The following TERF1 variants were observed in gnomAD, a reference collection of about 807,000 sequenced individuals.
TERF1 encodes telomeric repeat-binding factor 1.
A neutral mutation model predicts 55.1 loss-of-function variants in TERF1; 20 were observed. The ratio of observed to expected loss-of-function variants is 0.36; its 90% confidence interval spans 0.26 to 0.53. The LOEUF (loss-of-function observed/expected upper bound fraction) is 0.53, where lower values mean the gene tolerates loss of function less well. TERF1 is among the 20% of genes least tolerant of loss of function. The pLI is 0.91. For synonymous variants in TERF1, 168 were observed against 181.2 expected, an observed-to-expected ratio of 0.93 and a Z score of 0.59; for missense variants, 439 against 535.7, an observed-to-expected ratio of 0.82 and a Z score of 1.78.
Position 73,009,041 on chromosome 8 carries a change from G to C in TERF1, c.155G>C (p.Gly52Ala). Residue 52 changes from glycine to alanine, a missense_variant, in exon 1 of 10, where the codon GGG (glycine) becomes GCG (alanine). Transcript: ENST00000276603. ...CTGCTCGAGTGCCAGGTGCAGGTGG[G>C]GGCCCCCGAGGAGGAGGAGGAGGAG... ...QELLECQVQV[G>A]APEEEEEEEE... 1.9e-6 allele frequency: 3 copies of C among 1,610,300 alleles called. No homozygotes were observed. Among genetic ancestry groups the C allele is most frequent in the Non-Finnish European group, 2.5e-6 (3 of 1,178,732 alleles).
rs190663197 is a variant in TERF1, at chr8:73,044,098, A to T, written c.1144-1863A>T. Among the ~76,000 whole-genome samples, 8 of 152,282 alleles carry T rather than the reference A, an allele frequency of 5.3e-5. No individual in the cohort carries two copies. The East Asian group carries it at 1.5e-3, about 29-fold the overall frequency. ...TCACCCCACACATGAAAAATTTATT[A>T]ATGCATCTCTTGGTTTTTGTCAGTT... On this transcript the variant is annotated intron_variant, in intron 9 of 9. Coordinates refer to ENST00000276603, the MANE Select transcript of TERF1 (RefSeq NM_017489.3).
At chr8:73,018,901 A>T (rs1483057544) in intron 2 of TERF1, 1 of 152,204 alleles carries the variant, frequency 6.6e-6, no homozygotes, top group African/African-American at 2.4e-5. Context: ...AGTATAAAGT[A>T]CTGCAAGGCA....
chr8:73,039,260 TAA>T, intron 9 of TERF1, 41 bp downstream of exon 9: 1 of 1,321,216 alleles, frequency 7.6e-7, no homozygotes, highest in Non-Finnish European at 1.1e-6. Flanking sequence ...TTATGGACAT[TAA>T]AGTTATAACT....
chr8:73,036,869 A>G (rs1013923267), intron 8 of TERF1, among the ~76,000 whole-genome samples: 3 of 145,248 alleles, frequency 2.1e-5, no homozygotes, highest in Non-Finnish European at 3.0e-5. Flanking sequence ...TTATATATAT[A>G]TGACCTATGA....
chr8:73,041,878 G>T (rs915693672), intron 9 of TERF1, among the ~76,000 whole-genome samples: 1 of 152,082 alleles, frequency 6.6e-6, no homozygotes, highest in Admixed American at 6.6e-5. Flanking sequence ...TATCCACACG[G>T]ATCCTCCATC....
At chr8:73,027,159 C>A in intron 6 of TERF1, 107 bp downstream of exon 6, 1 of 782,546 alleles carries the variant, frequency 1.3e-6, no homozygotes, top group Non-Finnish European at 2.0e-6. Context: ...AGCATGTTAT[C>A]TTGCTGATGA....
At chr8:73,026,362 A>G (rs1418991594) in intron 5 of TERF1, among the ~76,000 whole-genome samples, 2 of 151,990 alleles carry the variant, frequency 1.3e-5, no homozygotes, top group African/African-American at 2.4e-5. Flanking sequence ...TTAGCCAGGC[A>G]TAGTGGCGCA....
intron 2 of TERF1, among the ~76,000 whole-genome samples, chr8:73,015,078 C>G (rs1037175118): frequency 6.6e-6 from 1 of 152,170 alleles, no homozygotes; most frequent in African/African-American, 2.4e-5. Flanking sequence ...TTCAGCACAT[C>G]TTAGTTGCTT....
chr8:73,043,225 A>G (rs1273112540), intron 9 of TERF1: 1 of 152,194 alleles, frequency 6.6e-6, no homozygotes, highest in Non-Finnish European at 1.5e-5. Flanking sequence ...ATTCTGTATG[A>G]TGTTTTCAAA....
At chr8:73,021,056 C>A (rs1467285919) in intron 3 of TERF1, among the ~76,000 whole-genome samples, 1 of 151,860 alleles carries the variant, frequency 6.6e-6, no homozygotes, top group Non-Finnish European at 1.5e-5. Context: ...TCAATTGATG[C>A]TTAAAGATTA....
chr8:73,011,999 T>C (rs1391850528), intron 1 of TERF1: 1 of 152,260 alleles, frequency 6.6e-6, no homozygotes, highest in Non-Finnish European at 1.5e-5. Context: ...TCATGGCATT[T>C]GACATCCTTT....
At chr8:73,034,507 T>A (rs1809427519) in intron 8 of TERF1, among the ~76,000 whole-genome samples, 1 of 152,186 alleles carries the variant, frequency 6.6e-6, no homozygotes, top group Non-Finnish European at 1.5e-5. Context: ...TCAAGCAATC[T>A]GCTTGCTGTA....
intron 4 of TERF1, among the ~76,000 whole-genome samples, chr8:73,023,968 A>T (rs1255254483): frequency 6.6e-6 from 1 of 152,156 alleles, no homozygotes; most frequent in Non-Finnish European, 1.5e-5. Flanking sequence ...TTCACTTTTA[A>T]CTGCATATTT....
chr8:73,040,857 C>G (rs1809806091), intron 9 of TERF1, among the ~76,000 whole-genome samples: 1 of 152,018 alleles, frequency 6.6e-6, no homozygotes, highest in East Asian at 1.9e-4. Flanking sequence ...TGTACTGATT[C>G]TTTCTTCAGC....
chr8:73,027,092 A>G (rs368754208), intron 6 of TERF1, 40 bp downstream of exon 6: 55 of 1,428,358 alleles, frequency 3.9e-5, no homozygotes, highest in Non-Finnish European at 5.1e-5. Flanking sequence ...TTGTTTTATG[A>G]ATGTTCTGTC....
At chr8:73,012,063 C>T (rs1229039718) in intron 1 of TERF1, 1 of 152,192 alleles carries the variant, frequency 6.6e-6, no homozygotes, top group Admixed American at 6.5e-5. Context: ...TGACTTGCAA[C>T]TCTTCCTTTC....
intron 9 of TERF1, among the ~76,000 whole-genome samples, chr8:73,045,290 C>G (rs1479692027): frequency 6.6e-6 from 1 of 152,134 alleles, no homozygotes; most frequent in African/African-American, 2.4e-5. Context: ...GTAGTCTAGA[C>G]ACAGTAAATA....
intron 9 of TERF1, among the ~76,000 whole-genome samples, chr8:73,040,753 A>G (rs1809801302): frequency 6.6e-6 from 1 of 151,874 alleles, no homozygotes. Flanking sequence ...ACCTTTTAAG[A>G]TTGTCCCACT....
rs963826996 is a variant in TERF1 at position 73,047,449 on chromosome 8, C to G, written c.*1312C>G. On this transcript the variant is annotated 3_prime_UTR_variant, in exon 10 of 10. Transcript: ENST00000276603. ...TTAAATTGGTATTAACTATGATCAT[C>G]TTGATGTCTATGATAGATAATAAAC... The G allele has an allele frequency of 6.6e-6, 1 of 152,052 alleles. No homozygotes were observed. The highest frequency in any genetic ancestry group is 2.4e-5 in the African/African-American group (1 of 41,402). 9.4% of individuals were successfully genotyped at this position (152,052 alleles called of 1,614,324 possible).
Sources: allele counts gnomAD v4.1 joint callset (sites outside exome capture counted in the v4.1 genomes callset), GRCh38; gene constraint gnomAD v4.1.1; transcripts MANE v1.5; gene names NCBI Gene and HGNC (gene_info 2026-07-23, HGNC 2026-07-21).